The following GRPEL1 variants were observed in gnomAD, a reference collection of about 807,000 sequenced individuals.
GRPEL1 encodes GrpE like 1, mitochondrial.
GRPEL1 carries 13 observed loss-of-function variants against 22.1 expected under a neutral mutation model. That is an observed-to-expected ratio of 0.59 (90% CI 0.38 to 0.94). The LOEUF is 0.94. Ranked by LOEUF, GRPEL1 falls within the 40% of genes least tolerant of loss-of-function variation. The pLI, the probability that GRPEL1 is intolerant of heterozygous loss-of-function variation, is 0.00. For missense variants in GRPEL1, 289 were observed against 264.6 expected (o/e 1.09, Z -0.64); for synonymous variants, 109 against 105.3 (o/e 1.03, Z -0.21).
At position 7,066,916 on chromosome 4, in the gene GRPEL1, C is replaced by T. The variant is rs1428662320; in HGVS notation, c.62+1055G>A. On this transcript the variant is annotated intron_variant, in intron 1 of 3. Transcript: ENST00000264954. ...AGAAATGATGCTGACTTGGTGGTCA[C>T]TTTCCTGGCAATTAATTCCAATACA... Among the ~76,000 whole-genome samples, 3 of 152,244 alleles carry T rather than the reference C, an allele frequency of 2.0e-5. 1 individual carries two copies. The highest frequency in any genetic ancestry group is 6.5e-5 in the Admixed American group (1 of 15,284).
rs1223789545 is a variant in GRPEL1 at position 7,060,344 on chromosome 4, T to C, written c.*518A>G. The C allele has an allele frequency of 6.5e-6, 1 of 154,398 alleles. No individual in the cohort carries two copies. 9.6% of individuals were successfully genotyped at this position (154,398 alleles called of 1,614,324 possible). A position where few individuals can be genotyped will look rare whatever the true frequency, so the allele number is the denominator to read the frequency against. ...TCTCAGTGGTCAGTTTCAGCCGCTG[T>C]TGACTGAAGACAAACGAACTCACTA... On this transcript the variant is annotated 3_prime_UTR_variant, in exon 4 of 4. Coordinates refer to ENST00000264954, the MANE Select transcript of GRPEL1 (RefSeq NM_025196.4).
chr4:7,062,505 TATATA>T (rs769521438), intron 2 of GRPEL1, 39 bp from the exon 3 acceptor site: 2 of 596,100 alleles, frequency 3.4e-6, no homozygotes, highest in Non-Finnish European at 4.8e-6. Context: ...TATATATATA[TATATA>T]TATATCTTTT....
rs1724111164 is a variant in GRPEL1, at chr4:7,064,324, CTA to C, written c.63-103_63-102del. 4.9e-6 allele frequency: 6 copies of C among 1,235,692 alleles called. No individual in the cohort carries two copies. The East Asian group carries it at 7.4e-5, about 15-fold the overall frequency. 76.5% of individuals were successfully genotyped at this position (1,235,692 alleles called of 1,614,324 possible). A position where few individuals can be genotyped will look rare whatever the true frequency, so the allele number is the denominator to read the frequency against. ...ACTTAAAATAGCTTCAAACTATTTA[CTA>C]TTACTTGGGGAGAAAACATTTCTGT... is the stretch of plus-strand genomic sequence containing the variant. On this transcript the variant is annotated intron_variant, in intron 1 of 3. Transcript: ENST00000264954.
rs564745528 is a variant in GRPEL1 at position 7,062,668 on chromosome 4, C to G, written c.226-202G>C. Among the ~76,000 whole-genome samples, 21 of 152,004 alleles carry G rather than the reference C, an allele frequency of 1.4e-4. No individual in the cohort carries two copies. In the South Asian group the frequency reaches 4.4e-3, roughly 32 times the overall value. On this transcript the variant is annotated intron_variant, in intron 2 of 3. Coordinates refer to ENST00000264954, the MANE Select transcript of GRPEL1 (RefSeq NM_025196.4). ...CTGGGACTACAGGCGCCTGCCACCA[C>G]GCCCAGCTAATTTTTTTGTATTTTT...
chr4:7,064,749 T>C (rs1324285197), intron 1 of GRPEL1, among the ~76,000 whole-genome samples: 2 of 152,188 alleles, frequency 1.3e-5, no homozygotes, highest in Non-Finnish European at 1.5e-5. Flanking sequence ...TCTGCCCGCG[T>C]TGGCCTCCCA....
intron 1 of GRPEL1, among the ~76,000 whole-genome samples, chr4:7,066,301 T>C (rs1272552875): frequency 1.3e-5 from 2 of 152,208 alleles, no homozygotes; most frequent in Non-Finnish European, 2.9e-5. Context: ...GAGCAAATGG[T>C]TGAATAAACT....
At position 7,061,307 on chromosome 4, in the gene GRPEL1, C is replaced by T; in HGVS notation, c.308-99G>A. The T allele has an allele frequency of 4.5e-6, 4 of 886,880 alleles. No homozygotes were observed. In the South Asian group the frequency reaches 6.8e-5, roughly 15 times the overall value. The allele number at this position is 886,880 out of a possible 1,614,324, so 54.9% of individuals were successfully genotyped here. ...ACCTGATGTGGAGGCTATTTAGTAA[C>T]TTGTCAAATCAATCGCCTCAGAATT... On this transcript the variant is annotated intron_variant, in intron 3 of 3. Coordinates refer to ENST00000264954, the MANE Select transcript of GRPEL1 (RefSeq NM_025196.4).
In GRPEL1 at chr4:7,060,108, CAT is replaced by C. The variant is rs1028931359; in HGVS notation, c.*752_*753del. 1 of 152,216 alleles carries C rather than the reference CAT, an allele frequency of 6.6e-6. No individual in the cohort carries two copies. Among genetic ancestry groups the C allele is most frequent in the Non-Finnish European group, 1.5e-5 (1 of 68,040 alleles). 9.4% of individuals were successfully genotyped at this position (152,216 alleles called of 1,614,324 possible). A position where few individuals can be genotyped will look rare whatever the true frequency, so the allele number is the denominator to read the frequency against. On this transcript the variant is annotated 3_prime_UTR_variant, in exon 4 of 4. Coordinates refer to ENST00000264954, the MANE Select transcript of GRPEL1 (RefSeq NM_025196.4). ...TCTTAAATAAAAATTTTAAATTAAA[CAT>C]TAACATTTAAAGTACACCAAGCGTG...
chr4:7,060,841 C>A lies in GRPEL1; in HGVS notation c.*21G>T. Reference sequence around the variant, plus strand: ...GAGTTACATCAAGTGAGTTTAAAAACACCCACCCCATCAACAGCAGCTAAG... The same window carrying A: ...GAGTTACATCAAGTGAGTTTAAAAAAACCCACCCCATCAACAGCAGCTAAG... On this transcript the variant is annotated 3_prime_UTR_variant, in exon 4 of 4. Transcript: ENST00000264954. The A allele has an allele frequency of 6.3e-7, 1 of 1,582,864 alleles. No individual in the cohort carries two copies. The highest frequency in any genetic ancestry group is 8.6e-7 in the Non-Finnish European group (1 of 1,160,578).
chr4:7,066,232 C>A (rs1724165241), intron 1 of GRPEL1, among the ~76,000 whole-genome samples: 4 of 152,202 alleles, frequency 2.6e-5, no homozygotes, highest in African/African-American at 9.7e-5. Context: ...ACACAGAACT[C>A]AGTCAAGGCT....
chr4:7,061,814 A>C (rs1724047627), intron 3 of GRPEL1: 1 of 153,518 alleles, frequency 6.5e-6, no homozygotes, highest in African/African-American at 2.4e-5. Context: ...GTGGCCTCTC[A>C]CCGTCTGACC....
rs142791775 is a variant in GRPEL1 at position 7,066,142 on chromosome 4, C to A, written c.62+1829G>T. On this transcript the variant is annotated intron_variant, in intron 1 of 3. Transcript: ENST00000264954. ...ACCTCTTTTTAAATTAGGCCACAGTCCTATCTGAGAATAAGCTACATTCAA... is the reference window on the plus strand; with the variant it reads ...ACCTCTTTTTAAATTAGGCCACAGTACTATCTGAGAATAAGCTACATTCAA... Among the ~76,000 whole-genome samples the A allele has an allele frequency of 9.6e-3, 1,467 of 152,304 alleles. 11 individuals carry two copies. Among genetic ancestry groups the A allele is most frequent in the Middle Eastern group, 0.037 (11 of 294 alleles).
In GRPEL1 at chr4:7,064,188, T is replaced by C. The variant is rs1724105952; in HGVS notation, c.98A>G (p.Gln33Arg). 1 of 1,614,162 alleles carries C rather than the reference T, an allele frequency of 6.2e-7. No individual in the cohort carries two copies. Among genetic ancestry groups the C allele is most frequent in the African/African-American group, 1.3e-5 (1 of 75,066 alleles). ...SPRLLCTATK[Q>R]KNSGQNLEED... The stretch of plus-strand genomic sequence containing the variant: ...TTCCAGGTTCTGGCCACTGTTCTTT[T>C]GTTTCGTGGCTGTGCACAACAACCG... Residue 33 changes from glutamine (Q) to arginine (R), a missense_variant, in exon 2 of 4, where the codon CAA (glutamine) becomes CGA (arginine). Physicochemically the swap from Gln to Arg is conservative, Grantham distance 43. Transcript: ENST00000264954.
At chr4:7,061,319 A>G (rs767939783) in intron 3 of GRPEL1, 111 bp from the exon 4 acceptor site, 3 of 792,854 alleles carry the variant, frequency 3.8e-6, no homozygotes, top group East Asian at 2.5e-5. Flanking sequence ...TGTCAAATCA[A>G]TCGCCTCAGA....
chr4:7,062,368 T>C lies in GRPEL1; in HGVS notation c.307+17A>G, dbSNP rs758742559. ...TATCTTCTTTCCGGAATCAACACCA[T>C]GTTATGTTGAAAGTACCGTATAATT... On this transcript the variant is annotated intron_variant, in intron 3 of 3. Coordinates refer to ENST00000264954, the MANE Select transcript of GRPEL1 (RefSeq NM_025196.4). 1.4e-5 allele frequency: 19 copies of C among 1,358,016 alleles called. No homozygotes were observed. Among genetic ancestry groups the C allele is most frequent in the Non-Finnish European group, 1.3e-5 (12 of 958,594 alleles). The allele number at this position is 1,358,016 out of a possible 1,614,324, so 84.1% of individuals were successfully genotyped here. A position where few individuals can be genotyped will look rare whatever the true frequency, so the allele number is the denominator to read the frequency against.
At position 7,068,029 on chromosome 4, in the gene GRPEL1, C is replaced by G. The variant is rs760261432; in HGVS notation, c.4G>C (p.Ala2Pro). ...CGCGCCAACCTCACGCACTGAGCCG[C>G]CATGACTGCCACTGCCCGTCGCAGT... M[A>P]AQCVRLARRS... The change falls in exon 1 of 4, where the codon GCG becomes CCG. Residue 2 changes from alanine (A) to proline (P), a missense_variant. Coordinates refer to ENST00000264954, the MANE Select transcript of GRPEL1 (RefSeq NM_025196.4). The G allele has an allele frequency of 6.2e-7, 1 of 1,612,698 alleles. No homozygotes were observed. Among genetic ancestry groups the G allele is most frequent in the Non-Finnish European group, 8.5e-7 (1 of 1,179,744 alleles).
At chr4:7,066,188 T>G (rs1724164352) in intron 1 of GRPEL1, among the ~76,000 whole-genome samples, 1 of 152,204 alleles carries the variant, frequency 6.6e-6, no homozygotes. Context: ...AGATTAAAAC[T>G]GCTTCAACGA....
chr4:7,067,994 A>T lies in GRPEL1; in HGVS notation c.39T>A (p.Leu13=). Residue 13 remains leucine (L), a synonymous_variant, in exon 1 of 4, where the codon CTT becomes CTA. Transcript: ENST00000264954. ...ACCTGAGAGACAACGCCAAAGCAGGAAGACTGCGCCGCGCCAACCTCACGC... is the reference window on the plus strand; with the variant it reads ...ACCTGAGAGACAACGCCAAAGCAGGTAGACTGCGCCGCGCCAACCTCACGC... ...AQCVRLARRS[L]PALALSLRPS... is the part of the protein sequence containing the mutation. The T allele has an allele frequency of 1.2e-6, 2 of 1,613,446 alleles. No homozygotes were observed. Among genetic ancestry groups the T allele is most frequent in the Non-Finnish European group, 1.7e-6 (2 of 1,179,922 alleles).
chr4:7,061,056 CCTT>C lies in GRPEL1; in HGVS notation c.457_459del (p.Lys153del). ...TTGAGCAAGCCATGCTTTGTGAACA[CCTT>C]CTGGATCTGGACTTCAGTCATGACC... is the stretch of plus-strand genomic sequence containing the variant. On this transcript the variant is annotated inframe_deletion, in exon 4 of 4. Transcript: ENST00000264954. 1 of 1,614,216 alleles carries C rather than the reference CCTT, an allele frequency of 6.2e-7. No homozygotes were observed. The highest frequency in any genetic ancestry group is 8.5e-7 in the Non-Finnish European group (1 of 1,180,042).
Sources: gnomAD v4.1 joint callset for allele counts (sites outside exome capture counted in the v4.1 genomes callset) on GRCh38, gnomAD v4.1.1 for gene constraint, MANE v1.5 for transcripts, NCBI Gene and HGNC (gene_info 2026-07-23, HGNC 2026-07-21) for gene names.